SMAD1: variants seen among roughly 807,000 people sequenced by gnomAD.
The protein encoded by SMAD1 is SMAD family member 1, also known as MAD, mothers against decapentaplegic homolog 1.
A neutral mutation model predicts 41.6 loss-of-function variants in SMAD1; 6 were observed. The ratio of observed to expected loss-of-function variants is 0.14; its 90% CI spans 0.08 to 0.28. The LOEUF is 0.28. SMAD1 is among the 10% of genes least tolerant of loss of function. The pLI, the probability that SMAD1 is intolerant of heterozygous loss-of-function variation, is 1.00. For missense variants in SMAD1, 379 were observed against 582.6 expected (o/e 0.65, Z 3.60); for synonymous variants, 206 against 203.2 (o/e 1.01, Z -0.12).
At chr4:145,490,345 T>C (rs1728706859) in intron 1 of SMAD1, among the ~76,000 whole-genome samples, 1 of 152,174 alleles carries the variant, frequency 6.6e-6, no homozygotes, top group African/African-American at 2.4e-5. Context: ...TTTTCCTGTA[T>C]TGTTGGAGGT....
At chr4:145,539,644 G>A (rs1042127251) in intron 2 of SMAD1, among the ~76,000 whole-genome samples, 160 bp from the exon 3 acceptor site, 1 of 152,220 alleles carries the variant, frequency 6.6e-6, no homozygotes, top group Non-Finnish European at 1.5e-5. Flanking sequence ...GTTCTTGAGG[G>A]TAAAATAGCT....
Position 145,553,802 on chromosome 4 carries a change from T to G in SMAD1, c.1016T>G (p.Val339Gly), listed in dbSNP as rs1168211211. The change falls in exon 6 of 7, where the codon GTT (valine) becomes GGT (glycine). Residue 339 changes from valine to glycine, a missense_variant. Val to Gly is a moderately radical substitution (Grantham distance 109, BLOSUM62 -3). Transcript: ENST00000302085. ...CCTATAGGAGTTCATCTTTATTATG[T>G]TGGAGGGGAGGTGTATGCCGAATGC... ...HIGKGVHLYYVGGEVYAECLS... is the reference protein window; with the variant it reads ...HIGKGVHLYYGGGEVYAECLS... 7 of 1,613,966 alleles carry G rather than the reference T, an allele frequency of 4.3e-6. No individual in the cohort carries two copies. The highest frequency in any genetic ancestry group is 5.9e-6 in the Non-Finnish European group (7 of 1,179,800).
chr4:145,554,081 T>A, intron 6 of SMAD1, 41 bp downstream of exon 6: 1 of 1,534,762 alleles, frequency 6.5e-7, no homozygotes, highest in East Asian at 2.3e-5. Flanking sequence ...CCTAACATAC[T>A]TTTGCTGTGC....
intron 4 of SMAD1, chr4:145,545,203 A>G (rs921748167): frequency 6.6e-6 from 1 of 152,180 alleles, no homozygotes; most frequent in African/African-American, 2.4e-5. Flanking sequence ...CATATTGTCT[A>G]TGACTGCTTC....
chr4:145,481,777 G>A (rs549487045), upstream of SMAD1: 1,396 of 191,656 alleles, frequency 7.3e-3, 32 homozygotes, highest in African/African-American at 0.031. Context: ...GGGCGGGCGG[G>A]CAGGCGAGTG....
intron 2 of SMAD1, among the ~76,000 whole-genome samples, chr4:145,529,196 A>G (rs968351985): frequency 5.9e-5 from 9 of 152,184 alleles, no homozygotes; most frequent in African/African-American, 1.7e-4. Context: ...GACTGTTACT[A>G]TACTTCATGT....
intron 1 of SMAD1, among the ~76,000 whole-genome samples, chr4:145,490,118 G>A (rs1728696761): frequency 6.6e-6 from 1 of 152,222 alleles, no homozygotes; most frequent in Non-Finnish European, 1.5e-5. Flanking sequence ...TGCCTTAAGT[G>A]ACTTGAATTT....
intron 1 of SMAD1, among the ~76,000 whole-genome samples, chr4:145,493,002 T>G (rs1218348631): frequency 1.3e-5 from 2 of 152,250 alleles, no homozygotes; most frequent in Non-Finnish European, 2.9e-5. Flanking sequence ...TGTCTGCGTC[T>G]TCTGTCTTAC....
intron 2 of SMAD1, among the ~76,000 whole-genome samples, chr4:145,536,169 G>A (rs559533074): frequency 6.6e-6 from 1 of 152,194 alleles, no homozygotes; most frequent in African/African-American, 2.4e-5. Context: ...AAAGGCAAAT[G>A]AAAACCCTGT....
chr4:145,486,457 T>A (rs1412531900), intron 1 of SMAD1, among the ~76,000 whole-genome samples: 1 of 152,200 alleles, frequency 6.6e-6, no homozygotes, highest in Non-Finnish European at 1.5e-5. Flanking sequence ...GCAAATTCAT[T>A]GGGGATTTTT....
chr4:145,488,673 T>C (rs569228535), intron 1 of SMAD1, among the ~76,000 whole-genome samples: 15 of 152,340 alleles, frequency 9.8e-5, no homozygotes, highest in African/African-American at 3.6e-4. Flanking sequence ...CAAGATCTTT[T>C]GTTTGTTTAG....
rs1010306244 is a variant in SMAD1, at chr4:145,519,020, T to C, written c.400+4007T>C. On this transcript the variant is annotated intron_variant, in intron 2 of 6. Transcript: ENST00000302085. The stretch of plus-strand genomic sequence containing the variant: ...CTCCCATGTGTATTTGCTTATTTCT[T>C]TCTTTTTCTTTTTTTCTCTTTTTTT... Among the ~76,000 whole-genome samples, 3 of 124,364 alleles carry C rather than the reference T, an allele frequency of 2.4e-5. 1 individual carries two copies. Among genetic ancestry groups the C allele is most frequent in the Non-Finnish European group, 5.9e-5 (3 of 50,536 alleles). 81.6% of individuals were successfully genotyped at this position (124,364 alleles called of 152,430 possible). A position where few individuals can be genotyped will look rare whatever the true frequency, so the allele number is the denominator to read the frequency against.
chr4:145,481,778 C>T (rs1728185298), upstream of SMAD1: 1 of 193,022 alleles, frequency 5.2e-6, no homozygotes, highest in Non-Finnish European at 1.1e-5. Context: ...GGCGGGCGGG[C>T]AGGCGAGTGC....
At chr4:145,533,628 G>C (rs894329647) in intron 2 of SMAD1, among the ~76,000 whole-genome samples, 1 of 152,008 alleles carries the variant, frequency 6.6e-6, no homozygotes, top group African/African-American at 2.4e-5. Flanking sequence ...AGGCTGAATT[G>C]CTCTGTGATC....
rs15392 is a variant in SMAD1, at chr4:145,558,959, T to C, written c.*1025T>C. On this transcript the variant is annotated 3_prime_UTR_variant, in exon 7 of 7. Coordinates refer to ENST00000302085, the MANE Select transcript of SMAD1 (RefSeq NM_005900.3). ...TGAATTTTTTGCCAAACTTAGTAAC[T>C]CTGTTAAATATTTGGAGGATTTAAA... 0.038 allele frequency among the ~76,000 whole-genome samples: 5,824 copies of C among 152,254 alleles called. 368 individuals carry two copies. The highest frequency in any genetic ancestry group is 0.13 in the African/African-American group (5,476 of 41,510).
chr4:145,500,205 G>A (rs1261846506), intron 1 of SMAD1, among the ~76,000 whole-genome samples: 1 of 152,240 alleles, frequency 6.6e-6, no homozygotes. Context: ...GCGTCCTTCA[G>A]TATGTTCTCA....
chr4:145,486,174 T>C (rs140597713), intron 1 of SMAD1, among the ~76,000 whole-genome samples: 20 of 152,362 alleles, frequency 1.3e-4, no homozygotes, highest in African/African-American at 4.3e-4. Flanking sequence ...TCTTCTGTCG[T>C]TCTTTTGTAA....
At chr4:145,531,399 C>G (rs535428107) in intron 2 of SMAD1, among the ~76,000 whole-genome samples, 4 of 152,258 alleles carry the variant, frequency 2.6e-5, no homozygotes, top group African/African-American at 9.6e-5. Context: ...GCAGCTTGCC[C>G]TCCCTTTCTC....
At chr4:145,554,237 G>A (rs1732717184) in intron 6 of SMAD1, among the ~76,000 whole-genome samples, 197 bp downstream of exon 6, 1 of 151,762 alleles carries the variant, frequency 6.6e-6, no homozygotes, top group African/African-American at 2.4e-5. Context: ...AGGAGTACTT[G>A]TATTAAATAT....
Sources: gnomAD v4.1 joint callset for allele counts (sites outside exome capture counted in the v4.1 genomes callset) on GRCh38, gnomAD v4.1.1 for gene constraint, MANE v1.5 for transcripts, NCBI Gene and HGNC (gene_info 2026-07-23, HGNC 2026-07-21) for gene names.